NAALADL2: variants seen among roughly 807,000 people sequenced by gnomAD.
NAALADL2 encodes the protein N-acetylated alpha-linked acidic dipeptidase like 2.
Under a neutral mutation model 87.2 loss-of-function variants are expected in NAALADL2, and 76 were observed. The ratio of observed to expected loss-of-function variants is 0.87; its 90% CI spans 0.72 to 1.05. NAALADL2 has a LOEUF of 1.05. Among genes scored for constraint, NAALADL2 ranks in the 50% least tolerant of loss-of-function variants. The probability of loss-of-function intolerance (pLI) is 0.00; values close to 1 mark genes in which losing one functional copy is unlikely to be tolerated. For synonymous variants in NAALADL2, 354 were observed against 331.0 expected (o/e 1.07, Z -0.75); for missense variants, 1,089 against 945.8 (o/e 1.15, Z -1.99).
At chr3:175,523,900 T>C (rs1435624112) in intron 9 of NAALADL2, among the ~76,000 whole-genome samples, 4 of 152,240 alleles carry the variant, frequency 2.6e-5, no homozygotes, top group Non-Finnish European at 5.9e-5. Context: ...TACTGACATA[T>C]TGATTCTTTG....
intron 1 of NAALADL2, among the ~76,000 whole-genome samples, chr3:175,025,538 T>G (rs548809649): frequency 6.6e-6 from 1 of 152,270 alleles, no homozygotes; most frequent in African/African-American, 2.4e-5. Flanking sequence ...AGTGCAAAAT[T>G]TTGGCAACGG....
chr3:175,463,839 A>G (rs1461124861), intron 7 of NAALADL2, among the ~76,000 whole-genome samples: 4 of 152,100 alleles, frequency 2.6e-5, no homozygotes, highest in Non-Finnish European at 5.9e-5. Flanking sequence ...TATACTCACC[A>G]TAACACCACT....
At chr3:174,630,425 T>G (rs1296849615) in intron 2 of NAALADL2, among the ~76,000 whole-genome samples, 2 of 152,194 alleles carry the variant, frequency 1.3e-5, no homozygotes, top group African/African-American at 2.4e-5. Context: ...GCCAGTATGA[T>G]TTCTGCATAG....
chr3:174,918,504 C>T (rs1734713904), intron 1 of NAALADL2, among the ~76,000 whole-genome samples: 1 of 152,160 alleles, frequency 6.6e-6, no homozygotes, highest in African/African-American at 2.4e-5. Flanking sequence ...CTCACTTGTG[C>T]ATCTGTACTC....
At chr3:175,460,897 G>A (rs544229925) in intron 6 of NAALADL2, among the ~76,000 whole-genome samples, 26 of 152,196 alleles carry the variant, frequency 1.7e-4, no homozygotes, top group Non-Finnish European at 3.5e-4. Flanking sequence ...CTTCCACAGT[G>A]TGGAAAGTGA....
chr3:174,892,257 G>A (rs1047562527), intron 1 of NAALADL2, among the ~76,000 whole-genome samples: 5 of 152,148 alleles, frequency 3.3e-5, no homozygotes, highest in African/African-American at 1.2e-4. Flanking sequence ...TGGAGAAACA[G>A]AGATATGTGA....
At chr3:174,609,912 TA>T (rs940154040) in intron 2 of NAALADL2, among the ~76,000 whole-genome samples, 3 of 151,998 alleles carry the variant, frequency 2.0e-5, no homozygotes, top group African/African-American at 4.8e-5. Context: ...GACTTCAAAC[TA>T]TACTACAAGG....
chr3:175,479,161 C>T (rs1326064464), intron 9 of NAALADL2, among the ~76,000 whole-genome samples: 3 of 151,352 alleles, frequency 2.0e-5, no homozygotes, highest in African/African-American at 7.3e-5. Flanking sequence ...TTGGTTTTTG[C>T]CATTTCTCTT....
chr3:174,979,597 A>G (rs752841275), intron 1 of NAALADL2, among the ~76,000 whole-genome samples: 1 of 151,448 alleles, frequency 6.6e-6, no homozygotes, highest in Non-Finnish European at 1.5e-5. Flanking sequence ...GAACCACCAC[A>G]CCCAGCCCAT....
intron 1 of NAALADL2, among the ~76,000 whole-genome samples, chr3:175,013,291 A>ATT (rs1361382620): frequency 4.7e-5 from 4 of 84,714 alleles, no homozygotes; most frequent in South Asian, 6.6e-4. Flanking sequence ...ATATATATAT[A>ATT]TATATATATA....
At position 175,293,063 on chromosome 3, in the gene NAALADL2, A is replaced by G. The variant is rs13094582; in HGVS notation, c.940-31112A>G. 1.0e-3 allele frequency among the ~76,000 whole-genome samples: 149 copies of G among 148,096 alleles called. 2 individuals carry two copies. The South Asian group carries it at 0.016, about 16-fold the overall frequency. ...AAAAAAAAAAAAAAAAAAAAAAAAA[A>G]GGGGGAACTCGGTTATTGTTCTGAA... On this transcript the variant is annotated intron_variant, in intron 4 of 13. Transcript: ENST00000454872.
intron 12 of NAALADL2, among the ~76,000 whole-genome samples, chr3:175,737,718 T>TTTTTG (rs1271340992): frequency 1.5e-5 from 2 of 134,424 alleles, no homozygotes; most frequent in Admixed American, 7.3e-5. Context: ...GATCCAGTTT[T>TTTTTG]TTTTTTTTTT....
chr3:175,255,999 G>A (rs573085273), intron 3 of NAALADL2, among the ~76,000 whole-genome samples: 2 of 152,152 alleles, frequency 1.3e-5, no homozygotes, highest in African/African-American at 2.4e-5. Flanking sequence ...AATTTGGATA[G>A]CAATAGAAAA....
chr3:174,457,187 A>G (rs1489285991), intron 1 of NAALADL2, among the ~76,000 whole-genome samples: 4 of 152,204 alleles, frequency 2.6e-5, no homozygotes, highest in Non-Finnish European at 5.9e-5. Flanking sequence ...GGCTATTACT[A>G]AAAAGTAAAA....
chr3:174,949,072 T>A (rs1739926371), intron 1 of NAALADL2, among the ~76,000 whole-genome samples: 1 of 152,146 alleles, frequency 6.6e-6, no homozygotes, highest in African/African-American at 2.4e-5. Context: ...ATTCCTTTTA[T>A]GAGTTCTCTA....
chr3:175,317,986 C>T (rs1311894301), intron 4 of NAALADL2, among the ~76,000 whole-genome samples: 1 of 151,966 alleles, frequency 6.6e-6, no homozygotes, highest in Non-Finnish European at 1.5e-5. Context: ...AGAGATTTTG[C>T]TACAAGCATG....
At chr3:175,221,472 G>C (rs1476087125) in intron 2 of NAALADL2, among the ~76,000 whole-genome samples, 1 of 152,026 alleles carries the variant, frequency 6.6e-6, no homozygotes, top group Non-Finnish European at 1.5e-5. Context: ...TTCTGTATAT[G>C]TCAAATTGGT....
chr3:175,307,147 A>C (rs1757820084), intron 4 of NAALADL2, among the ~76,000 whole-genome samples: 1 of 152,136 alleles, frequency 6.6e-6, no homozygotes, highest in Non-Finnish European at 1.5e-5. Flanking sequence ...CCATAGAAAA[A>C]TCACAGCCCC....
chr3:175,506,447 A>C (rs1299881505), intron 9 of NAALADL2, among the ~76,000 whole-genome samples: 2 of 151,796 alleles, frequency 1.3e-5, no homozygotes, highest in Non-Finnish European at 2.9e-5. Flanking sequence ...TAAATGTTTA[A>C]TCTAATAATT....
Sources: allele counts gnomAD v4.1 joint callset (sites outside exome capture counted in the v4.1 genomes callset), GRCh38; gene constraint gnomAD v4.1.1; transcripts MANE v1.5; gene names NCBI Gene and HGNC (gene_info 2026-07-23, HGNC 2026-07-21).